Variants in STIL observed in about 807,000 individuals in gnomAD.
The protein encoded by STIL is STIL centriolar assembly protein, also known as SCL-interrupting locus protein.
A neutral mutation model predicts 110.1 loss-of-function variants in STIL; 55 were observed. The observed-to-expected ratio is 0.50, with a 90% CI of 0.40 to 0.63. STIL has a LOEUF of 0.63. Among genes scored for constraint, STIL ranks in the 20% least tolerant of loss-of-function variants. The pLI, the probability that STIL is intolerant of heterozygous loss-of-function variation, is 0.00. For missense variants in STIL, 1,358 were observed against 1,530.0 expected, an observed-to-expected ratio of 0.89 and a Z score of 1.87; for synonymous variants, 481 against 530.0, an observed-to-expected ratio of 0.91 and a Z score of 1.27.
intron 12 of STIL, among the ~76,000 whole-genome samples, chr1:47,277,128 C>T (rs1334465209): frequency 6.6e-6 from 1 of 151,876 alleles, no homozygotes; most frequent in Non-Finnish European, 1.5e-5. Context: ...AACAAAAAAA[C>T]GTGATTAAGG....
rs569374620 is a variant in STIL at position 47,269,759 on chromosome 1, T to C, written c.2491A>G (p.Ile831Val). The C allele has an allele frequency of 2.3e-5, 37 of 1,614,200 alleles. No individual in the cohort carries two copies. In the African/African-American group the frequency reaches 3.5e-4, roughly 15 times the overall value. ...GGAAGACTTGTGACTTCATTATTAA[T>C]ATCGACAGAAAAATTCATGTCCTCA... ...SSEDMNFSVD[I>V]NNEVTSLPGS... The change falls in exon 14 of 17, where the codon ATT (isoleucine) becomes GTT (valine). Residue 831 changes from isoleucine (I) to valine (V), a missense_variant. Transcript: ENST00000371877.
chr1:47,309,968 TGAA>T lies in STIL; in HGVS notation c.44+305_44+307del, dbSNP rs1646074729. Among the ~76,000 whole-genome samples, 6 of 152,176 alleles carry T rather than the reference TGAA, an allele frequency of 3.9e-5. No individual in the cohort carries two copies. In the South Asian group the frequency reaches 1.2e-3, roughly 32 times the overall value. ...TAAAGATCTATATTACGAAAATAAT[TGAA>T]GGAGGGACGGAACTAGTATTTACTG... is the stretch of plus-strand genomic sequence containing the variant. On this transcript the variant is annotated intron_variant, in intron 2 of 16. Transcript: ENST00000371877.
intron 16 of STIL, among the ~76,000 whole-genome samples, chr1:47,255,550 C>CAAAAAAA (rs60137249): frequency 8.1e-6 from 1 of 123,536 alleles, no homozygotes; most frequent in South Asian, 2.6e-4. Flanking sequence ...CCCTGTCTCT[C>CAAAAAAA]AAAAAAAAAA....
At chr1:47,256,335 A>T (rs2148671778) in intron 16 of STIL, among the ~76,000 whole-genome samples, 1 of 152,244 alleles carries the variant, frequency 6.6e-6, no homozygotes, top group African/African-American at 2.4e-5. Context: ...GAACTATATA[A>T]AATCTTCGCT....
chr1:47,294,740 C>T (rs1645593563), intron 7 of STIL, among the ~76,000 whole-genome samples: 1 of 152,160 alleles, frequency 6.6e-6, no homozygotes, highest in African/African-American at 2.4e-5. Flanking sequence ...TTAATTACTA[C>T]TCTAAAGAGA....
intron 10 of STIL, 21 bp from the exon 11 acceptor site, chr1:47,282,480 C>T (rs187106603): frequency 1.4e-6 from 2 of 1,446,958 alleles, no homozygotes; most frequent in Non-Finnish European, 1.9e-6. Context: ...GAAGGGGAGA[C>T]CAGAAAAGCC....
intron 15 of STIL, among the ~76,000 whole-genome samples, chr1:47,261,114 G>A (rs890509777): frequency 4.6e-5 from 7 of 152,198 alleles, no homozygotes; most frequent in South Asian, 2.1e-4. Flanking sequence ...TAAGCTGGGC[G>A]TGGTGGCTCA....
At chr1:47,303,772 AACT>A (rs1212655444) in intron 3 of STIL, among the ~76,000 whole-genome samples, 5 of 152,222 alleles carry the variant, frequency 3.3e-5, no homozygotes, top group Non-Finnish European at 7.3e-5. Context: ...CTTCTCTGCC[AACT>A]AGTGTTGAAC....
At chr1:47,306,446 G>T (rs1473902305) in intron 2 of STIL, among the ~76,000 whole-genome samples, 1 of 151,894 alleles carries the variant, frequency 6.6e-6, no homozygotes, top group Non-Finnish European at 1.5e-5. Context: ...TAGACACAGG[G>T]TCCTGCTATG....
chr1:47,269,997 G>A (rs1408325279), intron 13 of STIL, 131 bp from the exon 14 acceptor site: 10 of 824,592 alleles, frequency 1.2e-5, no homozygotes, highest in Non-Finnish European at 2.0e-5. Context: ...AACACTTTGA[G>A]AGGCAGAGGC....
intron 14 of STIL, among the ~76,000 whole-genome samples, chr1:47,264,390 C>A (rs1409791488): frequency 2.0e-5 from 3 of 152,100 alleles, no homozygotes; most frequent in African/African-American, 7.2e-5. Flanking sequence ...ATAAAAATGT[C>A]AAATCTCAAC....
chr1:47,305,069 A>G (rs1557774202), intron 2 of STIL, 73 bp from the exon 3 acceptor site: 2 of 991,474 alleles, frequency 2.0e-6, no homozygotes, highest in East Asian at 2.5e-5. Context: ...GGAAACAACT[A>G]ACTATCTTTA....
At position 47,282,478 on chromosome 1, in the gene STIL, G is replaced by C. The variant is rs1227899912; in HGVS notation, c.1134-19C>G. Reference sequence around the variant, plus strand: ...GGAAGACCTAAAGAATAGAAGGGGAGACCAGAAAAGCCTTTGGTAATCCAG... The same window carrying C: ...GGAAGACCTAAAGAATAGAAGGGGACACCAGAAAAGCCTTTGGTAATCCAG... On this transcript the variant is annotated intron_variant, in intron 10 of 16. Coordinates refer to ENST00000371877, the MANE Select transcript of STIL (RefSeq NM_001048166.1). 1 of 1,462,478 alleles carries C rather than the reference G, an allele frequency of 6.8e-7. No individual in the cohort carries two copies. Among genetic ancestry groups the C allele is most frequent in the Non-Finnish European group, 9.6e-7 (1 of 1,044,524 alleles). 90.6% of individuals were successfully genotyped at this position (1,462,478 alleles called of 1,614,324 possible).
Position 47,275,896 on chromosome 1 carries a change from G to T in STIL, c.2218-3655C>A, listed in dbSNP as rs187337220. Among the ~76,000 whole-genome samples, 53 of 152,144 alleles carry T rather than the reference G, an allele frequency of 3.5e-4. No homozygotes were observed. The Middle Eastern group carries it at 0.01, about 29-fold the overall frequency. The stretch of plus-strand genomic sequence containing the variant: ...ACCACCTTGGCCTCCCAAAATGCTG[G>T]GATTACAGGCATGAGCCAGTGGGCC... On this transcript the variant is annotated intron_variant, in intron 12 of 16. Coordinates refer to ENST00000371877, the MANE Select transcript of STIL (RefSeq NM_001048166.1).
chr1:47,314,500 A>G (rs1418041750), upstream of STIL, among the ~76,000 whole-genome samples: 3 of 152,252 alleles, frequency 2.0e-5, no homozygotes, highest in Non-Finnish European at 2.9e-5. Flanking sequence ...GAAGTGCTCT[A>G]TAAGATGATC....
chr1:47,255,680 T>C lies in STIL; in HGVS notation c.3081-3758A>G, dbSNP rs1275821772. ...CCAGGAAGCAAGGTAAAGAAGCAACTAGAGAGACTACTTGAGACAGGTTTT... is the reference window on the plus strand; with the variant it reads ...CCAGGAAGCAAGGTAAAGAAGCAACCAGAGAGACTACTTGAGACAGGTTTT... On this transcript the variant is annotated intron_variant, in intron 16 of 16. Transcript: ENST00000371877. Among the ~76,000 whole-genome samples the C allele has an allele frequency of 8.5e-5, 13 of 152,056 alleles. No homozygotes were observed. The East Asian group carries it at 2.3e-3, about 27-fold the overall frequency.
intron 12 of STIL, among the ~76,000 whole-genome samples, chr1:47,276,415 CATATAT>C (rs200792762): frequency 1.3e-5 from 2 of 150,510 alleles, no homozygotes; most frequent in Non-Finnish European, 3.0e-5. Context: ...TATACATATA[CATATAT>C]ATATATATGA....
chr1:47,307,194 G>A (rs930541813), intron 2 of STIL, among the ~76,000 whole-genome samples: 10 of 152,084 alleles, frequency 6.6e-5, no homozygotes, highest in Admixed American at 3.3e-4. Context: ...GGTGGCACAC[G>A]CCTGTAATCC....
chr1:47,310,183 T>C, intron 2 of STIL, 93 bp downstream of exon 2: 1 of 1,287,054 alleles, frequency 7.8e-7, no homozygotes, highest in East Asian at 2.4e-5. Flanking sequence ...AATTTCCTGA[T>C]TCTAAAGATT....
Sources: allele counts gnomAD v4.1 joint callset (sites outside exome capture counted in the v4.1 genomes callset), GRCh38; gene constraint gnomAD v4.1.1; transcripts MANE v1.5; gene names NCBI Gene and HGNC (gene_info 2026-07-23, HGNC 2026-07-21).